Variants in NRXN3 observed in about 807,000 individuals in gnomAD.
NRXN3 encodes neurexin III.
In NRXN3, 32 loss-of-function variants were observed where a neutral mutation model predicts 137.6. That is an observed-to-expected ratio of 0.23 (90% CI 0.18 to 0.31). The LOEUF (loss-of-function observed/expected upper bound fraction) is 0.31, where lower values mean the gene tolerates loss of function less well. Among genes scored for constraint, NRXN3 ranks in the 10% least tolerant of loss-of-function variants. NRXN3 has a pLI of 1.00. For missense variants in NRXN3, 1,574 were observed against 2,062.5 expected (o/e 0.76, Z 4.59); for synonymous variants, 798 against 784.5 (o/e 1.02, Z -0.29).
chr14:79,831,545 T>G (rs2099323650), intron 20 of NRXN3, among the ~76,000 whole-genome samples: 1 of 152,128 alleles, frequency 6.6e-6, no homozygotes, highest in African/African-American at 2.4e-5. Flanking sequence ...TTGTGTATGG[T>G]TTTATTGTTA....
intron 4 of NRXN3, among the ~76,000 whole-genome samples, chr14:78,628,944 T>G (rs1450663427): frequency 6.6e-6 from 1 of 152,212 alleles, no homozygotes; most frequent in Non-Finnish European, 1.5e-5. Flanking sequence ...CTAAATTCCC[T>G]TGTCAATTAT....
chr14:78,804,669 GAAATTTTCCTTTAT>G (rs1448404760), intron 9 of NRXN3, among the ~76,000 whole-genome samples: 1 of 152,100 alleles, frequency 6.6e-6, no homozygotes, highest in Non-Finnish European at 1.5e-5. Flanking sequence ...AGAATCTTTA[GAAATTTTCCTTTAT>G]ATGGCCTCAT....
At chr14:79,115,990 G>A (rs919307021) in intron 15 of NRXN3, among the ~76,000 whole-genome samples, 2 of 152,152 alleles carry the variant, frequency 1.3e-5, no homozygotes, top group African/African-American at 4.8e-5. Context: ...CTAAAGACTA[G>A]AGAGAATGAG....
intron 4 of NRXN3, among the ~76,000 whole-genome samples, chr14:78,310,621 AC>A (rs1368480660): frequency 6.6e-6 from 1 of 152,064 alleles, no homozygotes; most frequent in Non-Finnish European, 1.5e-5. Flanking sequence ...GATCCATGTG[AC>A]AACTGAACCT....
At chr14:78,230,151 A>G (rs1596159860) in intron 1 of NRXN3, among the ~76,000 whole-genome samples, 1 of 151,400 alleles carries the variant, frequency 6.6e-6, no homozygotes, top group African/African-American at 2.5e-5. Flanking sequence ...CAGCTTCCCA[A>G]GTAGCTGGAA....
At chr14:78,984,034 G>T (rs2153054825) in intron 14 of NRXN3, among the ~76,000 whole-genome samples, 1 of 151,962 alleles carries the variant, frequency 6.6e-6, no homozygotes, top group Non-Finnish European at 1.5e-5. Flanking sequence ...TAGAAATAGA[G>T]AATAGAATAG....
At chr14:78,561,353 A>G (rs755220063) in intron 4 of NRXN3, among the ~76,000 whole-genome samples, 5 of 152,234 alleles carry the variant, frequency 3.3e-5, no homozygotes, top group Non-Finnish European at 7.3e-5. Flanking sequence ...TATGAATAAC[A>G]TATACCACAG....
At chr14:78,379,355 A>G (rs1477425866) in intron 4 of NRXN3, among the ~76,000 whole-genome samples, 5 of 152,216 alleles carry the variant, frequency 3.3e-5, no homozygotes, top group Non-Finnish European at 7.3e-5. Context: ...ATGACACACA[A>G]TCTTTAAAAA....
chr14:79,421,437 A>G (rs1035884602), intron 15 of NRXN3, among the ~76,000 whole-genome samples: 10 of 152,130 alleles, frequency 6.6e-5, no homozygotes, highest in African/African-American at 1.9e-4. Context: ...TTTTATTTCT[A>G]TAACTGTACT....
At chr14:78,302,716 C>A (rs945279009) in intron 4 of NRXN3, among the ~76,000 whole-genome samples, 4 of 152,200 alleles carry the variant, frequency 2.6e-5, no homozygotes, top group African/African-American at 9.7e-5. Flanking sequence ...TATGATGTCT[C>A]CCTGTTTGTT....
intron 19 of NRXN3, among the ~76,000 whole-genome samples, chr14:79,776,194 G>A (rs1362509125): frequency 6.6e-6 from 1 of 152,074 alleles, no homozygotes; most frequent in Non-Finnish European, 1.5e-5. Flanking sequence ...TATTTATTCT[G>A]CTTTAATAGC....
At chr14:78,739,487 T>G (rs1322380097) in intron 8 of NRXN3, among the ~76,000 whole-genome samples, 1 of 152,230 alleles carries the variant, frequency 6.6e-6, no homozygotes, top group East Asian at 1.9e-4. Flanking sequence ...CTTGTTTTAT[T>G]TTTTGAGACG....
chr14:78,237,741 C>T (rs932428733), intron 1 of NRXN3, among the ~76,000 whole-genome samples: 1 of 152,162 alleles, frequency 6.6e-6, no homozygotes, highest in Non-Finnish European at 1.5e-5. Context: ...TTGAATGACA[C>T]AGAACGAGAT....
intron 19 of NRXN3, among the ~76,000 whole-genome samples, chr14:79,762,989 G>A (rs2099043813): frequency 6.6e-6 from 1 of 151,460 alleles, no homozygotes; most frequent in Admixed American, 6.6e-5. Context: ...ATCTACATTA[G>A]GTATTTTTCC....
intron 15 of NRXN3, among the ~76,000 whole-genome samples, chr14:79,407,133 A>C (rs1194088979): frequency 6.6e-6 from 1 of 152,090 alleles, no homozygotes; most frequent in Non-Finnish European, 1.5e-5. Flanking sequence ...GGAGGCATGG[A>C]GTGAATTTAT....
intron 15 of NRXN3, among the ~76,000 whole-genome samples, chr14:79,210,613 C>T (rs530051378): frequency 5.9e-5 from 9 of 152,070 alleles, no homozygotes; most frequent in Non-Finnish European, 1.2e-4. Flanking sequence ...AAATGTCTAC[C>T]GACTTCTTTA....
chr14:79,568,004 A>G (rs1300669387), intron 16 of NRXN3, among the ~76,000 whole-genome samples: 1 of 152,190 alleles, frequency 6.6e-6, no homozygotes, highest in South Asian at 2.1e-4. Flanking sequence ...CCATTCCAAA[A>G]CAAGAGTACC....
intron 16 of NRXN3, among the ~76,000 whole-genome samples, chr14:79,605,017 G>A (rs1308199811): frequency 6.6e-6 from 1 of 152,160 alleles, no homozygotes; most frequent in African/African-American, 2.4e-5. Flanking sequence ...GGGCGACAGA[G>A]TGAGACTCCA....
chr14:79,663,388 T>C (rs923961470), intron 16 of NRXN3, among the ~76,000 whole-genome samples: 12 of 152,084 alleles, frequency 7.9e-5, no homozygotes, highest in Admixed American at 3.9e-4. Context: ...TCCACTTTAA[T>C]TGTAAATCTG....
Sources: gnomAD v4.1 joint callset for allele counts (sites outside exome capture counted in the v4.1 genomes callset) on GRCh38, gnomAD v4.1.1 for gene constraint, MANE v1.5 for transcripts, NCBI Gene and HGNC (gene_info 2026-07-23, HGNC 2026-07-21) for gene names.